The following ITGA4 variants were observed in gnomAD, a reference collection of about 807,000 sequenced individuals.
ITGA4 encodes integrin subunit alpha 4.
In ITGA4, 63 loss-of-function variants were observed where a neutral mutation model predicts 133.6. That is an observed-to-expected ratio of 0.47 (90% CI 0.38 to 0.58). The LOEUF is 0.58. Ranked by LOEUF, ITGA4 falls within the 20% of genes least tolerant of loss-of-function variation. The pLI is 0.00. For missense variants in ITGA4, 1,076 were observed against 1,252.7 expected (o/e 0.86, Z 2.13); for synonymous variants, 483 against 438.0 (o/e 1.10, Z -1.28).
In ITGA4 at chr2:181,468,075, G is replaced by C. The variant is rs143767498; in HGVS notation, c.320-6885G>C. Among the ~76,000 whole-genome samples the C allele has an allele frequency of 3.9e-5, 6 of 152,120 alleles. No individual in the cohort carries two copies. The East Asian group carries it at 1.2e-3, about 29-fold the overall frequency. Reference sequence around the variant, plus strand: ...TGGCAACTAACATTTGCATGTTTTCGCTGCCAGGCTGTCATCCAAGCACGT... The same window carrying C: ...TGGCAACTAACATTTGCATGTTTTCCCTGCCAGGCTGTCATCCAAGCACGT... On this transcript the variant is annotated intron_variant, in intron 2 of 27. Transcript: ENST00000397033.
At chr2:181,461,358 T>TC (rs1158354340) in intron 2 of ITGA4, among the ~76,000 whole-genome samples, 1 of 151,388 alleles carries the variant, frequency 6.6e-6, no homozygotes, top group African/African-American at 2.4e-5. Flanking sequence ...CCTCCCTGAC[T>TC]CCCCAAGAGA....
intron 17 of ITGA4, among the ~76,000 whole-genome samples, chr2:181,518,771 T>C (rs570742314): frequency 1.8e-4 from 28 of 152,184 alleles, no homozygotes; most frequent in African/African-American, 6.0e-4. Context: ...CTCTACTCTA[T>C]GATATGCTTG....
rs555796781 is a variant in ITGA4 at position 181,466,122 on chromosome 2, T to C, written c.319+7805T>C. On this transcript the variant is annotated intron_variant, in intron 2 of 27. Coordinates refer to ENST00000397033, the MANE Select transcript of ITGA4 (RefSeq NM_000885.6). ...TTTCTGTGGGATTTTGAAGAAGTCC[T>C]GGCAGAGACCCCAAACCTAAAATCA... Among the ~76,000 whole-genome samples the C allele has an allele frequency of 9.9e-5, 15 of 152,218 alleles. No homozygotes were observed. The South Asian group carries it at 3.1e-3, about 32-fold the overall frequency.
At chr2:181,533,795 A>C (rs978598338) in intron 25 of ITGA4, among the ~76,000 whole-genome samples, 2 of 152,200 alleles carry the variant, frequency 1.3e-5, no homozygotes, top group Admixed American at 1.3e-4. Flanking sequence ...CATCTCCTAA[A>C]GATTCTTAGA....
In ITGA4 at chr2:181,471,306, CG is replaced by C. The variant is rs577288999; in HGVS notation, c.320-3649del. Among the ~76,000 whole-genome samples the C allele has an allele frequency of 3.5e-3, 528 of 151,988 alleles. 3 individuals are homozygous for C. Among genetic ancestry groups the C allele is most frequent in the African/African-American group, 0.012 (496 of 41,446 alleles). ...CAGCACCCATTTCTGGGCTGTTTGT[CG>C]GGGGTGGGATTATGACAAAGATACA... On this transcript the variant is annotated intron_variant, in intron 2 of 27. Transcript: ENST00000397033.
Position 181,522,178 on chromosome 2 carries a change from A to T in ITGA4, c.1923-13A>T. On this transcript the variant is annotated splice_polypyrimidine_tract_variant and intron_variant, in intron 17 of 27. Coordinates refer to ENST00000397033, the MANE Select transcript of ITGA4 (RefSeq NM_000885.6). ...TCCTAAACAAGAACTAAATAATATT[A>T]CTTAATTTTTAGGCCCCATGAAAAT... 1 of 1,515,072 alleles carries T rather than the reference A, an allele frequency of 6.6e-7. No individual in the cohort carries two copies. Among genetic ancestry groups the T allele is most frequent in the Non-Finnish European group, 9.1e-7 (1 of 1,103,680 alleles). The allele number at this position is 1,515,072 out of a possible 1,614,324, so 93.9% of individuals were successfully genotyped here. A position where few individuals can be genotyped will look rare whatever the true frequency, so the allele number is the denominator to read the frequency against.
intron 17 of ITGA4, among the ~76,000 whole-genome samples, chr2:181,514,769 G>A (rs558340326): frequency 6.6e-6 from 1 of 152,134 alleles, no homozygotes; most frequent in South Asian, 2.1e-4. Context: ...GAGAAAATGA[G>A]ACATTGACAT....
intron 25 of ITGA4, among the ~76,000 whole-genome samples, chr2:181,532,457 A>G (rs1686963994): frequency 6.6e-6 from 1 of 152,024 alleles, no homozygotes; most frequent in Non-Finnish European, 1.5e-5. Context: ...GTGCTCCTTG[A>G]AGAGGTCCTT....
intron 17 of ITGA4, among the ~76,000 whole-genome samples, chr2:181,518,517 ATATGT>A (rs1686656165): frequency 6.6e-6 from 1 of 152,086 alleles, no homozygotes; most frequent in African/African-American, 2.4e-5. Context: ...AAATATGGTA[ATATGT>A]TATATGTTTA....
intron 10 of ITGA4, among the ~76,000 whole-genome samples, chr2:181,490,229 AG>A (rs1486961050): frequency 6.6e-6 from 1 of 152,026 alleles, no homozygotes; most frequent in East Asian, 1.9e-4. Flanking sequence ...TCTGCCTTTT[AG>A]TTTTTACTTT....
intron 2 of ITGA4, among the ~76,000 whole-genome samples, chr2:181,470,176 C>T (rs950539433): frequency 7.2e-5 from 11 of 151,824 alleles, no homozygotes; most frequent in African/African-American, 2.7e-4. Flanking sequence ...ATGGAGATTC[C>T]TCAAAAATTT....
Position 181,522,263 on chromosome 2 carries a change from T to C in ITGA4, c.1995T>C (p.Asn665=). Residue 665 remains asparagine (N), a synonymous_variant, in exon 18 of 28, where the codon AAT becomes AAC. Transcript: ENST00000397033. ...TGATGTTGAATGTGTCCTTGTTTAA[T>C]GCTGGAGATGATGCATATGAAACGA... ...KTLMLNVSLF[N]AGDDAYETTL... The C allele has an allele frequency of 6.2e-7, 1 of 1,604,644 alleles. No individual in the cohort carries two copies. The highest frequency in any genetic ancestry group is 1.3e-5 in the African/African-American group (1 of 74,802).
At chr2:181,515,594 G>T (rs1197329956) in intron 17 of ITGA4, among the ~76,000 whole-genome samples, 1 of 151,998 alleles carries the variant, frequency 6.6e-6, no homozygotes, top group African/African-American at 2.4e-5. Flanking sequence ...AAAGTAGTAG[G>T]CGCCATATTT....
In ITGA4 at chr2:181,522,342, G is replaced by T; in HGVS notation, c.2073+1G>T. 1 of 1,591,250 alleles carries T rather than the reference G, an allele frequency of 6.3e-7. No individual in the cohort carries two copies. On this transcript the variant is annotated splice_donor_variant, in intron 18 of 27. Coordinates refer to ENST00000397033, the MANE Select transcript of ITGA4 (RefSeq NM_000885.6). LOFTEE classifies it high-confidence loss of function. Reference sequence around the variant, plus strand: ...TTATTTCATTAAGATTTTAGAGCTGGTAAGTACTGTAAACCACAATAGCAT... The same window carrying T: ...TTATTTCATTAAGATTTTAGAGCTGTTAAGTACTGTAAACCACAATAGCAT...
intron 5 of ITGA4, chr2:181,479,241 A>T (rs1685747769): frequency 6.5e-6 from 1 of 152,672 alleles, no homozygotes; most frequent in South Asian, 2.1e-4. Flanking sequence ...TTAAGAATTT[A>T]ATATCCCCTT....
chr2:181,503,234 G>C (rs894346387), intron 15 of ITGA4, among the ~76,000 whole-genome samples: 3 of 152,034 alleles, frequency 2.0e-5, no homozygotes, highest in African/African-American at 7.2e-5. Context: ...AATCCATTGT[G>C]TTCTTTGATG....
At chr2:181,511,480 C>T (rs1414678366) in intron 16 of ITGA4, among the ~76,000 whole-genome samples, 1 of 151,876 alleles carries the variant, frequency 6.6e-6, no homozygotes, top group African/African-American at 2.4e-5. Flanking sequence ...TTAAATTTTA[C>T]CTATTTAGAA....
At chr2:181,483,060 A>G (rs1271266649) in intron 9 of ITGA4, among the ~76,000 whole-genome samples, 1 of 152,216 alleles carries the variant, frequency 6.6e-6, no homozygotes, top group East Asian at 1.9e-4. Context: ...AAGATGAAGA[A>G]TTAAGTATTT....
At chr2:181,472,900 T>C (rs1685588945) in intron 2 of ITGA4, among the ~76,000 whole-genome samples, 1 of 152,168 alleles carries the variant, frequency 6.6e-6, no homozygotes, top group Non-Finnish European at 1.5e-5. Context: ...GACTGTTCTT[T>C]ACCAAGGTTT....
Sources: allele counts gnomAD v4.1 joint callset (sites outside exome capture counted in the v4.1 genomes callset), GRCh38; gene constraint gnomAD v4.1.1; transcripts MANE v1.5; gene names NCBI Gene and HGNC (gene_info 2026-07-23, HGNC 2026-07-21).